The following ZNF516 variants were observed in gnomAD, a reference collection of about 807,000 sequenced individuals.
The protein encoded by ZNF516 is zinc finger protein 516.
A neutral mutation model predicts 79.7 loss-of-function variants in ZNF516; 19 were observed. The observed-to-expected ratio is 0.24, with a 90% confidence interval of 0.17 to 0.35. The LOEUF is 0.35. ZNF516 is among the 10% of genes least tolerant of loss of function. The pLI, the probability that ZNF516 is intolerant of heterozygous loss-of-function variation, is 1.00. For synonymous variants in ZNF516, 877 were observed against 739.5 expected (o/e 1.19, Z -3.02); for missense variants, 1,678 against 1,679.5 (o/e 1.00, Z 0.02).
At chr18:76,473,972 C>G (rs973690212) in intron 1 of ZNF516, among the ~76,000 whole-genome samples, 2 of 149,278 alleles carry the variant, frequency 1.3e-5, no homozygotes, top group Admixed American at 6.7e-5. Context: ...CCTCAAACTC[C>G]TGGGCTCAAG....
At chr18:76,453,462 G>T (rs913405647) in intron 2 of ZNF516, among the ~76,000 whole-genome samples, 2 of 152,156 alleles carry the variant, frequency 1.3e-5, no homozygotes, top group Admixed American at 1.3e-4. Context: ...CTTTGACTCC[G>T]TCTACATCTT....
intron 3 of ZNF516, among the ~76,000 whole-genome samples, chr18:76,398,634 A>G (rs1168004386): frequency 1.3e-5 from 2 of 152,198 alleles, no homozygotes; most frequent in Non-Finnish European, 2.9e-5. Flanking sequence ...TTCTGAAGGA[A>G]TGGGGGCCTG....
At chr18:76,392,864 A>G (rs867455240) in intron 3 of ZNF516, among the ~76,000 whole-genome samples, 4 of 3,314 alleles carry the variant, frequency 1.2e-3, no homozygotes, top group Admixed American at 2.2e-3. Context: ...GGTGGGGGGA[A>G]GGCAGGTGGT....
chr18:76,376,956 C>T lies in ZNF516; in HGVS notation c.3259+1899G>A, dbSNP rs1440644649. On this transcript the variant is annotated intron_variant, in intron 4 of 6. Coordinates refer to ENST00000443185, the MANE Select transcript of ZNF516 (RefSeq NM_014643.4). The stretch of plus-strand genomic sequence containing the variant: ...AGACCTCACCACTCAGCCTTCTCTG[C>T]TTTGGGTTCCAAGAAACCCCACATC... 3.9e-4 allele frequency among the ~76,000 whole-genome samples: 60 copies of T among 152,226 alleles called. 1 individual carries two copies. Among genetic ancestry groups the T allele is most frequent in the Admixed American group, 3.8e-3 (58 of 15,288 alleles).
At position 76,418,553 on chromosome 18, in the gene ZNF516, G is replaced by A. The variant is rs79910808; in HGVS notation, c.1810+22692C>T. On this transcript the variant is annotated intron_variant, in intron 3 of 6. Coordinates refer to ENST00000443185, the MANE Select transcript of ZNF516 (RefSeq NM_014643.4). ...CGCACTGTAACACACACTATGACACGCACTGTAACATACGCTGCATCCTAA... is the reference window on the plus strand; with the variant it reads ...CGCACTGTAACACACACTATGACACACACTGTAACATACGCTGCATCCTAA... Among the ~76,000 whole-genome samples, 566 of 151,936 alleles carry A rather than the reference G, an allele frequency of 3.7e-3. 2 individuals are homozygous for A. Among genetic ancestry groups the A allele is most frequent in the African/African-American group, 9.3e-3 (384 of 41,430 alleles).
intron 2 of ZNF516, among the ~76,000 whole-genome samples, chr18:76,462,329 A>C (rs535464802): frequency 1.4e-4 from 21 of 152,334 alleles, no homozygotes; most frequent in Admixed American, 5.9e-4. Context: ...CTGAAGAACA[A>C]CACAAGACAG....
intron 3 of ZNF516, chr18:76,386,088 A>G (rs2074987544): frequency 1.3e-5 from 2 of 152,196 alleles, no homozygotes; most frequent in African/African-American, 4.8e-5. Flanking sequence ...AAAAGCCATT[A>G]TTTCTTTCCA....
rs1235833297 is a variant in ZNF516 at position 76,493,011 on chromosome 18, T to G, written c.-272+2133A>C. 6 of 984,662 alleles carry G rather than the reference T, an allele frequency of 6.1e-6. No individual in the cohort carries two copies. Among genetic ancestry groups the G allele is most frequent in the Non-Finnish European group, 7.2e-6 (6 of 829,896 alleles). The allele number at this position is 984,662 out of a possible 1,614,324, so 61.0% of individuals were successfully genotyped here. On this transcript the variant is annotated intron_variant, in intron 1 of 6. Transcript: ENST00000443185. The surrounding 1 kb of genome is among the most constrained non-coding windows in gnomAD (Gnocchi z 5.2). ...GCTCACACACACACCCCAAATTACCTCCGGGATGGAGAAAGCCGCTGCGGA... is the reference window on the plus strand; with the variant it reads ...GCTCACACACACACCCCAAATTACCGCCGGGATGGAGAAAGCCGCTGCGGA...
intron 2 of ZNF516, among the ~76,000 whole-genome samples, chr18:76,455,881 C>T (rs1464554991): frequency 2.0e-5 from 3 of 152,268 alleles, no homozygotes; most frequent in East Asian, 3.9e-4. Flanking sequence ...AAAATGACTC[C>T]AAAGTGTGCT....
At chr18:76,476,041 T>C (rs143596156) in intron 1 of ZNF516, among the ~76,000 whole-genome samples, 13 of 152,332 alleles carry the variant, frequency 8.5e-5, no homozygotes, top group African/African-American at 2.6e-4. Context: ...CGACTGTAAA[T>C]ATCTCGATGG....
chr18:76,442,899 G>A lies in ZNF516; in HGVS notation c.156C>T (p.His52=). The A allele has an allele frequency of 6.2e-7, 1 of 1,613,640 alleles. No individual in the cohort carries two copies. Among genetic ancestry groups the A allele is most frequent in the Non-Finnish European group, 8.5e-7 (1 of 1,179,832 alleles). ...SFPFQSSLSQ[H]MRKHTGEKPY... ...GCTTCTCGCCCGTGTGCTTGCGCATGTGCTGCGAAAGCGAGCTCTGGAAGG... is the reference window on the plus strand; with the variant it reads ...GCTTCTCGCCCGTGTGCTTGCGCATATGCTGCGAAAGCGAGCTCTGGAAGG... Residue 52 remains histidine, a synonymous_variant, in exon 3 of 7, where the codon CAC becomes CAT. Transcript: ENST00000443185.
chr18:76,398,845 T>A (rs954181405), intron 3 of ZNF516, among the ~76,000 whole-genome samples: 2 of 152,166 alleles, frequency 1.3e-5, no homozygotes, highest in Admixed American at 6.5e-5. Flanking sequence ...TCTATTGCGA[T>A]GCATAAATGT....
chr18:76,441,666 C>T lies in ZNF516; in HGVS notation c.1389G>A (p.Lys463=), dbSNP rs1435767347. 12 of 1,550,758 alleles carry T rather than the reference C, an allele frequency of 7.7e-6. No individual in the cohort carries two copies. Among genetic ancestry groups the T allele is most frequent in the South Asian group, 1.2e-5 (1 of 84,548 alleles). Residue 463 remains lysine (K), a synonymous_variant, in exon 3 of 7, where the codon AAG becomes AAA. Coordinates refer to ENST00000443185, the MANE Select transcript of ZNF516 (RefSeq NM_014643.4). ...CTGGTGCATCCTGCTCACGCTTGCGCTTCTCCTGGCTCACCAGGACGTACT... is the reference window on the plus strand; with the variant it reads ...CTGGTGCATCCTGCTCACGCTTGCGTTTCTCCTGGCTCACCAGGACGTACT... ...RREYVLVSQE[K]RKREQDAPAA... is the part of the protein sequence containing the mutation.
chr18:76,431,623 G>A (rs529388655), intron 3 of ZNF516, among the ~76,000 whole-genome samples: 24 of 152,312 alleles, frequency 1.6e-4, no homozygotes, highest in Admixed American at 3.3e-4. Flanking sequence ...GGTGCTCATT[G>A]CAACGAGTGA....
At chr18:76,387,685 G>C (rs1324938445) in intron 3 of ZNF516, 1 of 152,266 alleles carries the variant, frequency 6.6e-6, no homozygotes, top group African/African-American at 2.4e-5. Flanking sequence ...ACAGGAAGGA[G>C]AACACGGCTG....
intron 1 of ZNF516, among the ~76,000 whole-genome samples, chr18:76,486,178 T>A (rs1914822150): frequency 6.6e-6 from 1 of 152,248 alleles, no homozygotes; most frequent in Non-Finnish European, 1.5e-5. Flanking sequence ...AAGTATCAAC[T>A]GAGAAAGAAT....
intron 3 of ZNF516, among the ~76,000 whole-genome samples, chr18:76,423,767 C>T (rs1477498389): frequency 5.3e-5 from 7 of 133,302 alleles, no homozygotes; most frequent in Non-Finnish European, 1.1e-4. Context: ...AAGGCTCCCC[C>T]GAAACACACG....
At chr18:76,382,895 A>C (rs2074916247) in intron 3 of ZNF516, among the ~76,000 whole-genome samples, 1 of 152,066 alleles carries the variant, frequency 6.6e-6, no homozygotes, top group African/African-American at 2.4e-5. Flanking sequence ...AAAATACAAA[A>C]ATTAGCCAAG....
intron 1 of ZNF516, among the ~76,000 whole-genome samples, chr18:76,491,941 G>A (rs1488267947): frequency 1.3e-5 from 2 of 152,180 alleles, no homozygotes; most frequent in African/African-American, 4.8e-5. Context: ...GGCCCGAGTG[G>A]GAGGGAAGGC....
Sources: gnomAD v4.1 joint callset for allele counts (sites outside exome capture counted in the v4.1 genomes callset) on GRCh38, gnomAD v4.1.1 for gene constraint, Gnocchi (gnomAD v3.1) non-coding constraint, MANE v1.5 for transcripts, NCBI Gene and HGNC (gene_info 2026-07-23, HGNC 2026-07-21) for gene names.